Variants in SLK observed in about 807,000 individuals in gnomAD.
SLK encodes STE20 like kinase.
SLK carries 67 observed loss-of-function variants against 147.7 expected under a neutral mutation model. That is an observed-to-expected ratio of 0.45 (90% CI 0.37 to 0.56). The LOEUF is 0.56. Among genes scored for constraint, SLK ranks in the 20% least tolerant of loss-of-function variants. The pLI is 0.00. For synonymous variants in SLK, 441 were observed against 475.0 expected (o/e 0.93, Z 0.93); for missense variants, 1,136 against 1,438.8 (o/e 0.79, Z 3.41).
intron 8 of SLK, among the ~76,000 whole-genome samples, 166 bp from the exon 9 acceptor site, chr10:104,002,006 G>A (rs183874661): frequency 1.2e-4 from 19 of 152,160 alleles, no homozygotes; most frequent in African/African-American, 4.1e-4. Flanking sequence ...GTGTGCCACC[G>A]CACCCGGCCC....
intron 1 of SLK, among the ~76,000 whole-genome samples, chr10:103,987,060 G>A (rs1269425097): frequency 1.3e-5 from 2 of 152,136 alleles, no homozygotes; most frequent in Non-Finnish European, 2.9e-5. Flanking sequence ...TATTAGTGTA[G>A]AGAATAGTGT....
At chr10:103,999,688 CAT>C (rs1844219929) in intron 6 of SLK, among the ~76,000 whole-genome samples, 177 bp from the exon 7 acceptor site, 1 of 152,136 alleles carries the variant, frequency 6.6e-6, no homozygotes, top group Admixed American at 6.5e-5. Context: ...ATATGTCTAA[CAT>C]GTATTTACAG....
chr10:104,025,031 A>C (rs546757546), intron 18 of SLK, among the ~76,000 whole-genome samples: 60 of 152,262 alleles, frequency 3.9e-4, no homozygotes, highest in African/African-American at 1.3e-3. Context: ...TTCACATCAC[A>C]ATGGTGCCTC....
chr10:104,006,494 T>C (rs147391461), intron 11 of SLK, among the ~76,000 whole-genome samples: 280 of 152,314 alleles, frequency 1.8e-3, no homozygotes, highest in African/African-American at 6.6e-3. Context: ...GCTTCTACAG[T>C]TAAGCCTCCA....
rs984030912 is a variant in SLK at position 104,002,694 on chromosome 10, A to G, written c.1516A>G (p.Thr506Ala). The stretch of plus-strand genomic sequence containing the variant: ...AACAGTAGATTTAGTTTCTCAAGAG[A>G]CTGGAGAAAAAGAGGCAAATATTCA... ...LQTVDLVSQE[T>A]GEKEANIQAV... The change falls in exon 9 of 19, where the codon ACT (threonine) becomes GCT (alanine). Residue 506 changes from threonine to alanine, a missense_variant. By Grantham distance (58) the Thr-to-Ala change is moderately conservative. Transcript: ENST00000369755. The G allele has an allele frequency of 4.3e-6, 7 of 1,611,680 alleles. No individual in the cohort carries two copies. The highest frequency in any genetic ancestry group is 5.1e-6 in the Non-Finnish European group (6 of 1,179,192).
At chr10:103,975,946 G>T (rs545939363) in intron 1 of SLK, among the ~76,000 whole-genome samples, 1 of 152,000 alleles carries the variant, frequency 6.6e-6, no homozygotes, top group Non-Finnish European at 1.5e-5. Context: ...TTGAGACAGA[G>T]TCTCACCTCT....
chr10:103,980,467 A>G (rs1275976324), intron 1 of SLK, among the ~76,000 whole-genome samples: 2 of 152,034 alleles, frequency 1.3e-5, no homozygotes, highest in East Asian at 3.9e-4. Context: ...ATGAAACTCT[A>G]CCGTGTTAAA....
At chr10:103,973,152 G>A (rs1843816291) in intron 1 of SLK, among the ~76,000 whole-genome samples, 1 of 152,118 alleles carries the variant, frequency 6.6e-6, no homozygotes, top group Non-Finnish European at 1.5e-5. Context: ...AAAGCTTTAT[G>A]ATTTTGCTTT....
chr10:103,995,431 T>TC (rs1844157403), intron 4 of SLK, among the ~76,000 whole-genome samples: 1 of 144,960 alleles, frequency 6.9e-6, no homozygotes, highest in Non-Finnish European at 1.5e-5. Flanking sequence ...TTCTTTTTTT[T>TC]TTTTTTTTTT....
In SLK at chr10:103,993,073, A is replaced by G; in HGVS notation, c.454A>G (p.Ile152Val). 6.2e-7 allele frequency: 1 copy of G among 1,610,504 alleles called. No homozygotes were observed. Among genetic ancestry groups the G allele is most frequent in the Non-Finnish European group, 8.5e-7 (1 of 1,177,432 alleles). ...ALNYLHDNKIIHRDLKAGNIL... is the reference protein window; with the variant it reads ...ALNYLHDNKIVHRDLKAGNIL... Reference sequence around the variant, plus strand: ...GAACTACTTACATGATAATAAGATCATCCACAGAGATCTGAAGGCTGGCAA... The same window carrying G: ...GAACTACTTACATGATAATAAGATCGTCCACAGAGATCTGAAGGCTGGCAA... The change falls in exon 4 of 19, where the codon ATC becomes GTC. Residue 152 changes from isoleucine (I) to valine (V), a missense_variant. This residue lies in a region of SLK where 141 missense variants were observed against 219.3 expected (regional missense o/e 0.64). Transcript: ENST00000369755.
In SLK at chr10:104,005,709, G is replaced by A. The variant is rs375805190; in HGVS notation, c.2480+18G>A. 25 of 1,604,358 alleles carry A rather than the reference G, an allele frequency of 1.6e-5. No homozygotes were observed. Among genetic ancestry groups the A allele is most frequent in the African/African-American group, 4.0e-5 (3 of 74,492 alleles). On this transcript the variant is annotated intron_variant, in intron 10 of 18. Transcript: ENST00000369755. ...TTTCTTAGGTGAGTAGAGAAACAAC[G>A]TAATTAAAACTGGTTTGTGACTTCT...
At chr10:104,008,018 A>G (rs892959015) in intron 11 of SLK, among the ~76,000 whole-genome samples, 159 bp from the exon 12 acceptor site, 3 of 152,170 alleles carry the variant, frequency 2.0e-5, no homozygotes, top group Non-Finnish European at 4.4e-5. Context: ...GAGAATTTTC[A>G]TAACATATTT....
chr10:103,987,945 T>C (rs1844039043), intron 1 of SLK, among the ~76,000 whole-genome samples: 2 of 151,954 alleles, frequency 1.3e-5, no homozygotes, highest in African/African-American at 2.4e-5. Context: ...TGACACAAGA[T>C]AGAGTAGAGG....
At chr10:103,981,206 T>A (rs192361725) in intron 1 of SLK, among the ~76,000 whole-genome samples, 26 of 152,178 alleles carry the variant, frequency 1.7e-4, no homozygotes, top group Non-Finnish European at 3.4e-4. Context: ...TTGTTGTTGT[T>A]GTTGTTGAGT....
At chr10:104,000,009 A>T (rs2134491788) in intron 7 of SLK, 61 bp downstream of exon 7, 1 of 737,486 alleles carries the variant, frequency 1.4e-6, no homozygotes, top group African/African-American at 1.8e-5. Flanking sequence ...ATGTAATTTC[A>T]TATTCAGTGT....
At chr10:104,024,186 A>T (rs1210002835) in intron 18 of SLK, among the ~76,000 whole-genome samples, 1 of 152,146 alleles carries the variant, frequency 6.6e-6, no homozygotes, top group Non-Finnish European at 1.5e-5. Flanking sequence ...CTTTTTCATA[A>T]TGTGTCTCCT....
At chr10:103,979,282 G>C (rs1426573846) in intron 1 of SLK, among the ~76,000 whole-genome samples, 4 of 152,218 alleles carry the variant, frequency 2.6e-5, no homozygotes, top group African/African-American at 9.6e-5. Flanking sequence ...CTCCCAAAGT[G>C]CTGGGATTAT....
chr10:103,995,061 T>C (rs988841924), intron 4 of SLK, among the ~76,000 whole-genome samples: 1 of 152,242 alleles, frequency 6.6e-6, no homozygotes, highest in African/African-American at 2.4e-5. Flanking sequence ...TTTTCGATAA[T>C]GATTTTGATA....
rs753478373 is a variant in SLK, at chr10:104,019,808, A to G, written c.3207A>G (p.Ala1069=). ...AAAACAGACAGACTCAAGAAAGAGC[A>G]AGACTGCCCAAGATTCAGCGCAGTG... ...ELKNRQTQER[A]RLPKIQRSEA... Residue 1069 remains alanine (A), a synonymous_variant, in exon 16 of 19, where the codon GCA becomes GCG. Transcript: ENST00000369755. The G allele has an allele frequency of 1.9e-6, 3 of 1,613,714 alleles. No individual in the cohort carries two copies.
Sources: gnomAD v4.1 joint callset for allele counts (sites outside exome capture counted in the v4.1 genomes callset) on GRCh38, gnomAD v4.1.1 for gene constraint, gnomAD v4.1.1 regional missense constraint, MANE v1.5 for transcripts, NCBI Gene and HGNC (gene_info 2026-07-23, HGNC 2026-07-21) for gene names.